Variants in DCAF13 observed in about 807,000 individuals in gnomAD.
DCAF13 encodes DDB1- and CUL4-associated factor 13.
Under a neutral mutation model 59.0 loss-of-function variants are expected in DCAF13, and 38 were observed. The ratio of observed to expected loss-of-function variants is 0.64; its 90% confidence interval spans 0.50 to 0.84. DCAF13 has a LOEUF of 0.84. Ranked by LOEUF, DCAF13 falls within the 40% of genes least tolerant of loss-of-function variation. The pLI is 0.00. For synonymous variants in DCAF13, 173 were observed against 175.0 expected, an observed-to-expected ratio of 0.99 and a Z score of 0.09; for missense variants, 469 against 558.4, an observed-to-expected ratio of 0.84 and a Z score of 1.61.
In DCAF13 at chr8:103,426,191, A is replaced by C. The variant is rs765465944; in HGVS notation, c.468+46A>C. The C allele has an allele frequency of 1.1e-5, 12 of 1,122,006 alleles. 1 individual carries two copies. Among genetic ancestry groups the C allele is most frequent in the Non-Finnish European group, 1.5e-5 (12 of 783,702 alleles). 69.5% of individuals were successfully genotyped at this position (1,122,006 alleles called of 1,614,324 possible). Reference sequence around the variant, plus strand: ...ATAGCTTGCCTATTAACATTCTTTTATTTAAAATTATTTTATAGTTATAAT... The same window carrying C: ...ATAGCTTGCCTATTAACATTCTTTTCTTTAAAATTATTTTATAGTTATAAT... On this transcript the variant is annotated intron_variant, in intron 4 of 10. Coordinates refer to ENST00000612750, the MANE Select transcript of DCAF13 (RefSeq NM_015420.7).
intron 6 of DCAF13, among the ~76,000 whole-genome samples, chr8:103,432,063 T>G (rs1816872464): frequency 6.6e-6 from 1 of 152,210 alleles, no homozygotes; most frequent in Non-Finnish European, 1.5e-5. Flanking sequence ...TACTAGTCTA[T>G]CAATGTTTCT....
chr8:103,418,846 A>T (rs1477795466), intron 1 of DCAF13, among the ~76,000 whole-genome samples: 26 of 15,742 alleles, frequency 1.7e-3, no homozygotes, highest in African/African-American at 6.4e-3. Flanking sequence ...ATATATATAT[A>T]TATATATATA....
chr8:103,429,582 G>A (rs1407538818), intron 5 of DCAF13: 2 of 152,106 alleles, frequency 1.3e-5, no homozygotes, highest in African/African-American at 4.8e-5. Context: ...TTAATGCCAA[G>A]GGGTTATGTG....
intron 5 of DCAF13, chr8:103,428,193 G>A (rs553686751): frequency 2.0e-5 from 3 of 152,256 alleles, no homozygotes; most frequent in East Asian, 3.9e-4. Flanking sequence ...TGTGAGCTTG[G>A]CCTTGAGGAA....
intron 3 of DCAF13, among the ~76,000 whole-genome samples, chr8:103,424,273 C>T (rs1586128274): frequency 6.6e-6 from 1 of 152,154 alleles, no homozygotes; most frequent in Non-Finnish European, 1.5e-5. Context: ...GTGATCCACC[C>T]GCCTCAGCCT....
rs148842547 is a variant in DCAF13, at chr8:103,422,365, A to G, written c.378+1283A>G. Among the ~76,000 whole-genome samples, 1,047 of 152,296 alleles carry G rather than the reference A, an allele frequency of 6.9e-3. 39 individuals are homozygous for G. The highest frequency in any genetic ancestry group is 0.06 in the Admixed American group (913 of 15,292). ...CAATATAGAACTAATCATTGAAGCC[A>G]TAGTATGGCATCATTGGGAGGAAAT... is the stretch of plus-strand genomic sequence containing the variant. On this transcript the variant is annotated intron_variant, in intron 3 of 10. Transcript: ENST00000612750.
At chr8:103,436,297 A>G (rs962361388) in intron 8 of DCAF13, among the ~76,000 whole-genome samples, 3 of 152,180 alleles carry the variant, frequency 2.0e-5, no homozygotes, top group Non-Finnish European at 4.4e-5. Context: ...TACTTAGTCA[A>G]ATCCAACTCT....
chr8:103,435,899 A>G, intron 8 of DCAF13, 109 bp downstream of exon 8: 1 of 1,164,908 alleles, frequency 8.6e-7, no homozygotes, highest in South Asian at 1.3e-5. Context: ...ACATCATCAG[A>G]GTGCACTTAA....
intron 5 of DCAF13, chr8:103,427,485 A>G (rs1816810420): frequency 4.1e-6 from 2 of 489,262 alleles, no homozygotes; most frequent in Non-Finnish European, 7.2e-6. Context: ...TGGTGTGTGC[A>G]TTTGCCCATT....
chr8:103,420,235 A>G, intron 1 of DCAF13, 29 bp from the exon 2 acceptor site: 4 of 1,594,580 alleles, frequency 2.5e-6, no homozygotes, highest in Non-Finnish European at 3.4e-6. Context: ...TTAAGTGTGA[A>G]TTATTAAGAA....
chr8:103,429,966 G>A (rs1290856853), intron 5 of DCAF13: 2 of 152,276 alleles, frequency 1.3e-5, no homozygotes, highest in South Asian at 2.1e-4. Flanking sequence ...GAAGAACTAC[G>A]TGGGGGGGAA....
intron 3 of DCAF13, 144 bp from the exon 4 acceptor site, chr8:103,425,912 A>G: frequency 1.6e-6 from 1 of 614,284 alleles, no homozygotes; most frequent in Non-Finnish European, 3.0e-6. Context: ...ACAAGGTGGG[A>G]TATAAATGGA....
intron 10 of DCAF13, 157 bp downstream of exon 10, chr8:103,441,775 TTTTTTC>T: frequency 1.5e-6 from 1 of 673,204 alleles, no homozygotes; most frequent in South Asian, 2.2e-5. Flanking sequence ...AGGCCTTTTC[TTTTTTC>T]TTTTTTTTTT....
In DCAF13 at chr8:103,441,622, T is replaced by C. The variant is rs777555380; in HGVS notation, c.1250+4T>C. 9 of 1,609,922 alleles carry C rather than the reference T, an allele frequency of 5.6e-6. No homozygotes were observed. The highest frequency in any genetic ancestry group is 7.6e-6 in the Non-Finnish European group (9 of 1,179,036). On this transcript the variant is annotated splice_donor_region_variant and intron_variant, in intron 10 of 10. Coordinates refer to ENST00000612750, the MANE Select transcript of DCAF13 (RefSeq NM_015420.7). The stretch of plus-strand genomic sequence containing the variant: ...TGAAAGAAGCTCGTCGACGAAAGTA[T>C]GTTTTGAGGCATTTGACTCTATTAC...
At chr8:103,433,087 G>A (rs1013336330) in intron 7 of DCAF13, among the ~76,000 whole-genome samples, 4 of 152,092 alleles carry the variant, frequency 2.6e-5, no homozygotes, top group Non-Finnish European at 4.4e-5. Context: ...GAGTTGAATA[G>A]TTGCAGCGGA....
intron 1 of DCAF13, among the ~76,000 whole-genome samples, chr8:103,419,793 G>A (rs547676639): frequency 6.6e-6 from 1 of 152,132 alleles, no homozygotes; most frequent in African/African-American, 2.4e-5. Flanking sequence ...TGTGGATCAC[G>A]AGGTCACGAG....
chr8:103,420,480 A>G lies in DCAF13; in HGVS notation c.270+17A>G. On this transcript the variant is annotated intron_variant, in intron 2 of 10. Coordinates refer to ENST00000612750, the MANE Select transcript of DCAF13 (RefSeq NM_015420.7). ...GATGGAGAGGCAAGTGTCAATCTAGATGATATTTTCAACTAAAAGTAGTTA... is the reference window on the plus strand; with the variant it reads ...GATGGAGAGGCAAGTGTCAATCTAGGTGATATTTTCAACTAAAAGTAGTTA... The G allele has an allele frequency of 1.3e-6, 2 of 1,589,092 alleles. No homozygotes were observed. The highest frequency in any genetic ancestry group is 1.7e-6 in the Non-Finnish European group (2 of 1,159,644).
rs998106276 is a variant in DCAF13, at chr8:103,443,213, C to A, written c.*331C>A. 8.3e-5 allele frequency: 14 copies of A among 168,144 alleles called. No homozygotes were observed. The highest frequency in any genetic ancestry group is 2.5e-4 in the Admixed American group (4 of 15,796). 10.4% of individuals were successfully genotyped at this position (168,144 alleles called of 1,614,324 possible). A position where few individuals can be genotyped will look rare whatever the true frequency, so the allele number is the denominator to read the frequency against. The stretch of plus-strand genomic sequence containing the variant: ...CAAATTGACATTTAAGACCAAACAT[C>A]TCTTATGTTATCTTTAATATTACTT... On this transcript the variant is annotated 3_prime_UTR_variant, in exon 11 of 11. Transcript: ENST00000612750.
intron 9 of DCAF13, 62 bp downstream of exon 9, chr8:103,440,333 A>C (rs1586135618): frequency 8.7e-7 from 1 of 1,149,548 alleles, no homozygotes; most frequent in East Asian, 2.6e-5. Context: ...TAGATATTAC[A>C]TTATGAAAAT....
Sources: allele counts gnomAD v4.1 joint callset (sites outside exome capture counted in the v4.1 genomes callset), GRCh38; gene constraint gnomAD v4.1.1; transcripts MANE v1.5; gene names NCBI Gene and HGNC (gene_info 2026-07-23, HGNC 2026-07-21).